Variants in CCDC60 observed in about 807,000 individuals in gnomAD.
CCDC60 encodes the protein coiled-coil domain containing 60, also known as coiled-coil domain-containing protein 60.
CCDC60 carries 54 observed loss-of-function variants against 63.5 expected under a neutral mutation model. That is an observed-to-expected ratio of 0.85 (90% CI 0.68 to 1.07). The LOEUF (loss-of-function observed/expected upper bound fraction) is 1.07, where lower values mean the gene tolerates loss of function less well. Ranked by LOEUF, CCDC60 falls within the 50% of genes least tolerant of loss-of-function variation. CCDC60 has a pLI of 0.00. For missense variants in CCDC60, 651 were observed against 684.3 expected (o/e 0.95, Z 0.54); for synonymous variants, 206 against 238.8 (o/e 0.86, Z 1.27).
chr12:119,335,134 C>A lies in CCDC60; in HGVS notation c.-43C>A. ...CTGAAGTAGAAGATTCTGGAAAAAT[C>A]CTTGTCTTGGGGGCACAGGCTAAAA... is the stretch of plus-strand genomic sequence containing the variant. On this transcript the variant is annotated 5_prime_UTR_variant, in exon 1 of 14. Transcript: ENST00000327554. The A allele has an allele frequency of 6.6e-7, 1 of 1,520,320 alleles. No homozygotes were observed. Among genetic ancestry groups the A allele is most frequent in the Admixed American group, 2.0e-5 (1 of 50,696 alleles). 94.2% of individuals were successfully genotyped at this position (1,520,320 alleles called of 1,614,324 possible).
chr12:119,350,861 G>A (rs1007764082), intron 1 of CCDC60, among the ~76,000 whole-genome samples: 1 of 152,114 alleles, frequency 6.6e-6, no homozygotes, highest in African/African-American at 2.4e-5. Context: ...CCAGGTTGCT[G>A]TTTCTGCCTT....
intron 1 of CCDC60, among the ~76,000 whole-genome samples, chr12:119,407,800 C>A (rs1349154092): frequency 6.6e-6 from 1 of 152,000 alleles, no homozygotes; most frequent in Non-Finnish European, 1.5e-5. Context: ...ATGGCTCTTG[C>A]CCAAACAGTT....
rs1953143385 is a variant in CCDC60, at chr12:119,540,844, G to A, written c.*129G>A. 1 of 634,450 alleles carries A rather than the reference G, an allele frequency of 1.6e-6. No homozygotes were observed. The highest frequency in any genetic ancestry group is 2.7e-6 in the Non-Finnish European group (1 of 373,826). 39.3% of individuals were successfully genotyped at this position (634,450 alleles called of 1,614,324 possible). A position where few individuals can be genotyped will look rare whatever the true frequency, so the allele number is the denominator to read the frequency against. ...TCTTTATGGATGACCCTTTACAGTA[G>A]GGTCATCTGGAGACTGACTTCCAGC... On this transcript the variant is annotated 3_prime_UTR_variant, in exon 14 of 14. Transcript: ENST00000327554.
At chr12:119,507,492 A>G (rs1329824723) in intron 7 of CCDC60, among the ~76,000 whole-genome samples, 1 of 143,440 alleles carries the variant, frequency 7.0e-6, no homozygotes, top group Non-Finnish European at 1.5e-5. Flanking sequence ...ATACACATAT[A>G]TACATATATA....
At chr12:119,483,113 G>A (rs533999560) in intron 4 of CCDC60, among the ~76,000 whole-genome samples, 5 of 152,300 alleles carry the variant, frequency 3.3e-5, no homozygotes, top group African/African-American at 1.2e-4. Flanking sequence ...ACTGGCCAAA[G>A]CAAGTCACCA....
At position 119,479,247 on chromosome 12, in the gene CCDC60, T is replaced by C. The variant is rs367752383; in HGVS notation, c.449+46T>C. ...CTCATTTGCTTTGCTAGCTTATAAATTGAAGCCGAACTGAAATGACTCAAC... is the reference window on the plus strand; with the variant it reads ...CTCATTTGCTTTGCTAGCTTATAAACTGAAGCCGAACTGAAATGACTCAAC... On this transcript the variant is annotated intron_variant, in intron 4 of 13. Transcript: ENST00000327554. The C allele has an allele frequency of 5.3e-5, 73 of 1,388,148 alleles. No individual in the cohort carries two copies. In the African/African-American group the frequency reaches 5.8e-4, roughly 11 times the overall value. 86.0% of individuals were successfully genotyped at this position (1,388,148 alleles called of 1,614,324 possible).
chr12:119,372,958 G>A (rs1356963649), intron 1 of CCDC60, among the ~76,000 whole-genome samples: 2 of 152,104 alleles, frequency 1.3e-5, no homozygotes, highest in Admixed American at 6.5e-5. Flanking sequence ...GATACTTAAG[G>A]TTTTTTGTTT....
At chr12:119,505,840 G>A (rs1011501060) in intron 7 of CCDC60, among the ~76,000 whole-genome samples, 1 of 152,160 alleles carries the variant, frequency 6.6e-6, no homozygotes, top group Non-Finnish European at 1.5e-5. Context: ...GGGCCACAGA[G>A]GAAGACTCCA....
At chr12:119,504,812 G>A (rs536544897) in intron 6 of CCDC60, among the ~76,000 whole-genome samples, 18 of 152,246 alleles carry the variant, frequency 1.2e-4, no homozygotes, top group African/African-American at 4.8e-5. Flanking sequence ...CCATGAGCTC[G>A]TTCAATAGAA....
chr12:119,433,371 C>T (rs1950267891), intron 2 of CCDC60: 2 of 701,400 alleles, frequency 2.9e-6, no homozygotes, highest in Non-Finnish European at 5.2e-6. Context: ...TAACGTTCTG[C>T]TCGGACACCC....
At chr12:119,358,401 A>G (rs994245780) in intron 1 of CCDC60, among the ~76,000 whole-genome samples, 1 of 152,094 alleles carries the variant, frequency 6.6e-6, no homozygotes, top group Non-Finnish European at 1.5e-5. Context: ...ACCTTCCACC[A>G]TGGGATGACA....
intron 1 of CCDC60, among the ~76,000 whole-genome samples, chr12:119,336,157 G>C (rs1468842362): frequency 1.3e-5 from 2 of 151,448 alleles, no homozygotes; most frequent in Non-Finnish European, 2.9e-5. Context: ...TGACGAGTTA[G>C]TGGGTGCAGC....
In CCDC60 at chr12:119,520,136, GA is replaced by G. The variant is rs762361806; in HGVS notation, c.987del (p.Lys329AsnfsTer58). On this transcript the variant is annotated frameshift_variant, in exon 9 of 14. Coordinates refer to ENST00000327554, the MANE Select transcript of CCDC60 (RefSeq NM_178499.5). LOFTEE classifies it high-confidence loss of function. ...RKAPSILSVL[K>X]QNKSNSAYKE... is the part of the protein sequence containing the mutation. ...TGCCTTGCAGCATCTTGTCAGTGCT[GA>G]AACAAAACAAGAGTAATTCTGCTTA... 2.5e-5 allele frequency: 41 copies of G among 1,613,816 alleles called. No homozygotes were observed. The highest frequency in any genetic ancestry group is 3.5e-5 in the Non-Finnish European group (41 of 1,179,938).
chr12:119,363,718 C>T (rs560870401), intron 1 of CCDC60, among the ~76,000 whole-genome samples: 5 of 152,238 alleles, frequency 3.3e-5, no homozygotes, highest in African/African-American at 1.2e-4. Context: ...TGGAGAGCTG[C>T]TTTAGTATTT....
At chr12:119,428,383 A>G (rs931516565) in intron 1 of CCDC60, among the ~76,000 whole-genome samples, 5 of 152,158 alleles carry the variant, frequency 3.3e-5, no homozygotes, top group African/African-American at 1.2e-4. Context: ...TCCCCATTCT[A>G]CTGAAGAAAT....
chr12:119,458,669 G>A (rs569717834), intron 2 of CCDC60, among the ~76,000 whole-genome samples: 1 of 152,204 alleles, frequency 6.6e-6, no homozygotes, highest in African/African-American at 2.4e-5. Context: ...GCCGATTCAG[G>A]TCATGGGAGA....
At chr12:119,428,822 G>C (rs1235151025) in intron 2 of CCDC60, 60 bp downstream of exon 2, 27 of 1,125,714 alleles carry the variant, frequency 2.4e-5, no homozygotes, top group South Asian at 4.0e-5. Context: ...GCAGGCTATG[G>C]GGTGTTGCCT....
chr12:119,457,608 T>C lies in CCDC60; in HGVS notation c.171-14386T>C, dbSNP rs370155958. Among the ~76,000 whole-genome samples the C allele has an allele frequency of 1.2e-4, 19 of 152,366 alleles. No individual in the cohort carries two copies. In the East Asian group the frequency reaches 1.7e-3, roughly 14 times the overall value. ...TGTGTACGTAGTTGACCTTTATCTC[T>C]GGCAATCTTGTCCTATAAAGAAGAG... On this transcript the variant is annotated intron_variant, in intron 2 of 13. Transcript: ENST00000327554.
chr12:119,487,587 G>A (rs372736322), intron 4 of CCDC60, among the ~76,000 whole-genome samples: 1 of 151,604 alleles, frequency 6.6e-6, no homozygotes, highest in Non-Finnish European at 1.5e-5. Context: ...GTGAGCCACC[G>A]TGCCTGGCCT....
Sources: allele counts gnomAD v4.1 joint callset (sites outside exome capture counted in the v4.1 genomes callset), GRCh38; gene constraint gnomAD v4.1.1; transcripts MANE v1.5; gene names NCBI Gene and HGNC (gene_info 2026-07-23, HGNC 2026-07-21).